ABCB5: variants seen among roughly 807,000 people sequenced by gnomAD.
ABCB5 encodes ATP-binding cassette sub-family B member 5.
A neutral mutation model predicts 144.2 loss-of-function variants in ABCB5; 155 were observed. The observed-to-expected ratio is 1.08, with a 90% CI of 0.94 to 1.23. The LOEUF (loss-of-function observed/expected upper bound fraction) is 1.23. Among genes scored for constraint, ABCB5 ranks in the 50% most tolerant of loss-of-function variants. ABCB5 has a pLI of 0.00. For missense variants in ABCB5, 1,830 were observed against 1,520.8 expected (o/e 1.20, Z -3.38); for synonymous variants, 610 against 528.6 (o/e 1.15, Z -2.11).
At chr7:20,727,161 A>C (rs1452121258) in intron 22 of ABCB5, 21 bp downstream of exon 22, 1 of 1,578,634 alleles carries the variant, frequency 6.3e-7, no homozygotes. Context: ...ATTCATACTG[A>C]CTTCAAAAAC....
intron 22 of ABCB5, 71 bp downstream of exon 22, chr7:20,727,211 C>A: frequency 9.5e-7 from 1 of 1,049,648 alleles, no homozygotes; most frequent in Non-Finnish European, 1.4e-6. Flanking sequence ...CAAATGACTC[C>A]AGTGGTTTGC....
intron 2 of ABCB5, 108 bp downstream of exon 2, chr7:20,623,446 C>G (rs111872870): frequency 1.1e-6 from 1 of 883,460 alleles, no homozygotes; most frequent in South Asian, 1.6e-5. Flanking sequence ...AAAATAGCAA[C>G]ACTATTTGCA....
rs148176538 is a variant in ABCB5, at chr7:20,698,675, G to A, written c.2154+125G>A. Reference sequence around the variant, plus strand: ...ACTTTTAGTGGGCCGCCCCTAGTGTGGAGTCCGTGATAGGAAGGTTAATTA... The same window carrying A: ...ACTTTTAGTGGGCCGCCCCTAGTGTAGAGTCCGTGATAGGAAGGTTAATTA... On this transcript the variant is annotated intron_variant, in intron 17 of 27. Transcript: ENST00000404938. 1,077 of 830,746 alleles carry A rather than the reference G, an allele frequency of 1.3e-3. 8 individuals carry two copies. The African/African-American group carries it at 0.017, about 13-fold the overall frequency. 51.5% of individuals were successfully genotyped at this position (830,746 alleles called of 1,614,324 possible). A position where few individuals can be genotyped will look rare whatever the true frequency, so the allele number is the denominator to read the frequency against.
chr7:20,714,593 G>A lies in ABCB5; in HGVS notation c.2422-8423G>A, dbSNP rs183636759. Reference sequence around the variant, plus strand: ...TCTTTCTCATTGTACCACCAACACCGAAAAGCAGGGTTTGTGGCTTGTTCT... The same window carrying A: ...TCTTTCTCATTGTACCACCAACACCAAAAAGCAGGGTTTGTGGCTTGTTCT... On this transcript the variant is annotated intron_variant, in intron 20 of 27. Coordinates refer to ENST00000404938, the MANE Select transcript of ABCB5 (RefSeq NM_001163941.2). Among the ~76,000 whole-genome samples the A allele has an allele frequency of 2.7e-4, 41 of 152,068 alleles. No homozygotes were observed. In the East Asian group the frequency reaches 7.3e-3, roughly 27 times the overall value.
At chr7:20,735,527 G>A (rs1265969221) in intron 23 of ABCB5, among the ~76,000 whole-genome samples, 4 of 152,182 alleles carry the variant, frequency 2.6e-5, no homozygotes, top group South Asian at 2.1e-4. Context: ...TTCCATGTTG[G>A]CTGCCATGGC....
At chr7:20,734,566 A>T (rs551915181) in intron 23 of ABCB5, among the ~76,000 whole-genome samples, 3 of 151,960 alleles carry the variant, frequency 2.0e-5, no homozygotes, top group African/African-American at 7.2e-5. Flanking sequence ...AGGGAGATAC[A>T]CAAAGGGAGT....
Position 20,626,614 on chromosome 7 carries a change from A to C in ABCB5, c.108+3A>C, listed in dbSNP as rs370748202. ...AAGCAGTTGGATCTATTGAGATAGT[A>C]AGTGAAATCAGTTAGAAAGTACATG... On this transcript the variant is annotated splice_donor_region_variant and intron_variant, in intron 3 of 27. Transcript: ENST00000404938. The C allele has an allele frequency of 8.8e-5, 141 of 1,601,930 alleles. No homozygotes were observed. In the African/African-American group the frequency reaches 1.7e-3, roughly 19 times the overall value.
At chr7:20,711,523 G>A (rs1787032289) in intron 20 of ABCB5, among the ~76,000 whole-genome samples, 1 of 145,552 alleles carries the variant, frequency 6.9e-6, no homozygotes, top group South Asian at 2.2e-4. Flanking sequence ...GTGCAGTGGT[G>A]TGATCACTAC....
intron 14 of ABCB5, among the ~76,000 whole-genome samples, chr7:20,679,982 G>GA (rs200853073): frequency 9.5e-4 from 143 of 150,722 alleles, no homozygotes; most frequent in Non-Finnish European, 1.7e-3. Flanking sequence ...ATAGTAGGGG[G>GA]AAAAAAAAAC....
intron 1 of ABCB5, among the ~76,000 whole-genome samples, chr7:20,618,759 A>ATT (rs1387081530): frequency 1.8e-4 from 8 of 45,260 alleles, no homozygotes; most frequent in East Asian, 1.6e-3. Context: ...TATGTGCTGC[A>ATT]TTTTCTTTTT....
chr7:20,677,108 T>C (rs995315568), intron 14 of ABCB5, among the ~76,000 whole-genome samples: 11 of 152,246 alleles, frequency 7.2e-5, no homozygotes, highest in Non-Finnish European at 1.6e-4. Context: ...CAGTGTGGAC[T>C]TCACTCCTAT....
intron 2 of ABCB5, among the ~76,000 whole-genome samples, chr7:20,623,644 A>C (rs938018116): frequency 2.0e-5 from 3 of 152,208 alleles, no homozygotes; most frequent in African/African-American, 7.2e-5. Flanking sequence ...AGGCACCTGC[A>C]AATTTTAATT....
At chr7:20,738,728 A>G (rs1445750446) in intron 23 of ABCB5, among the ~76,000 whole-genome samples, 1 of 152,192 alleles carries the variant, frequency 6.6e-6, no homozygotes, top group Non-Finnish European at 1.5e-5. Flanking sequence ...GGGACCTTTG[A>G]TCTGTGGCTC....
chr7:20,735,699 G>A (rs1352939668), intron 23 of ABCB5, among the ~76,000 whole-genome samples: 1 of 152,186 alleles, frequency 6.6e-6, no homozygotes, highest in Non-Finnish European at 1.5e-5. Flanking sequence ...TGGAAAGCAA[G>A]TGGTAACAAA....
chr7:20,618,617 A>C (rs557810865), intron 1 of ABCB5, among the ~76,000 whole-genome samples: 1 of 152,110 alleles, frequency 6.6e-6, no homozygotes, highest in Non-Finnish European at 1.5e-5. Flanking sequence ...CTTTATGTCC[A>C]TGTGGACCCA....
At chr7:20,691,614 T>C (rs1320283403) in intron 16 of ABCB5, among the ~76,000 whole-genome samples, 1 of 32,330 alleles carries the variant, frequency 3.1e-5, no homozygotes, top group Non-Finnish European at 7.3e-5. Flanking sequence ...TTATTTATGA[T>C]TATTATACTT....
At chr7:20,689,734 A>G (rs1486797964) in intron 16 of ABCB5, among the ~76,000 whole-genome samples, 1 of 151,646 alleles carries the variant, frequency 6.6e-6, no homozygotes, top group African/African-American at 2.4e-5. Context: ...AGGAAGAAAA[A>G]CCTCCTCCTG....
At chr7:20,715,708 C>A (rs550759657) in intron 20 of ABCB5, among the ~76,000 whole-genome samples, 1 of 151,718 alleles carries the variant, frequency 6.6e-6, no homozygotes, top group Non-Finnish European at 1.5e-5. Context: ...CCGCACCCAG[C>A]CTAGAGCGAG....
At chr7:20,679,135 A>G (rs983793241) in intron 14 of ABCB5, among the ~76,000 whole-genome samples, 1 of 152,166 alleles carries the variant, frequency 6.6e-6, no homozygotes, top group Non-Finnish European at 1.5e-5. Flanking sequence ...GACTTCATTA[A>G]AATTTTGAAA....
Sources: allele counts gnomAD v4.1 joint callset (sites outside exome capture counted in the v4.1 genomes callset), GRCh38; gene constraint gnomAD v4.1.1; transcripts MANE v1.5; gene names NCBI Gene and HGNC (gene_info 2026-07-23, HGNC 2026-07-21).